Variants in DCC observed in about 807,000 individuals in gnomAD.
DCC encodes DCC netrin 1 receptor, also known as netrin receptor DCC.
Under a neutral mutation model 172.5 loss-of-function variants are expected in DCC, and 58 were observed. That is an observed-to-expected ratio of 0.34 (90% CI 0.27 to 0.42). The LOEUF (loss-of-function observed/expected upper bound fraction) is 0.42. DCC is among the 10% of genes least tolerant of loss of function. The pLI is 1.00. For synonymous variants in DCC, 709 were observed against 644.5 expected, an observed-to-expected ratio of 1.10 and a Z score of -1.52; for missense variants, 1,740 against 1,791.0, an observed-to-expected ratio of 0.97 and a Z score of 0.51.
chr18:53,178,820 G>A (rs769473503), intron 8 of DCC, 142 bp from the exon 9 acceptor site: 3 of 771,248 alleles, frequency 3.9e-6, no homozygotes, highest in Non-Finnish European at 6.8e-6. Context: ...GAAAGTCTGA[G>A]GTCTTGAATT....
At chr18:53,184,551 C>G (rs1044672056) in intron 9 of DCC, among the ~76,000 whole-genome samples, 1 of 152,092 alleles carries the variant, frequency 6.6e-6, no homozygotes. Flanking sequence ...GGCTGCAAAC[C>G]TGTATAGCAT....
rs75761034 is a variant in DCC, at chr18:52,540,693, A to G, written c.91+199815A>G. Among the ~76,000 whole-genome samples, 410 of 125,148 alleles carry G rather than the reference A, an allele frequency of 3.3e-3. 20 individuals are homozygous for G. In the East Asian group the frequency reaches 0.095, roughly 29 times the overall value. 82.1% of individuals were successfully genotyped at this position (125,148 alleles called of 152,430 possible). A position where few individuals can be genotyped will look rare whatever the true frequency, so the allele number is the denominator to read the frequency against. ...GCTATCTCGGCTCACTGCAAGCTCCACCTCCCGGGTTCATGCCATTCTCCT... is the reference window on the plus strand; with the variant it reads ...GCTATCTCGGCTCACTGCAAGCTCCGCCTCCCGGGTTCATGCCATTCTCCT... On this transcript the variant is annotated intron_variant, in intron 1 of 28. Transcript: ENST00000442544.
intron 2 of DCC, among the ~76,000 whole-genome samples, chr18:52,787,348 C>T (rs1002498796): frequency 6.6e-6 from 1 of 152,110 alleles, no homozygotes; most frequent in East Asian, 1.9e-4. Context: ...TGATGATAAA[C>T]CACATTTTGA....
At chr18:53,233,033 C>T (rs1468424301) in intron 12 of DCC, among the ~76,000 whole-genome samples, 2 of 151,962 alleles carry the variant, frequency 1.3e-5, no homozygotes, top group Non-Finnish European at 1.5e-5. Flanking sequence ...ATTCTGCACC[C>T]TCAAGATTTA....
At chr18:52,833,375 C>A (rs971569401) in intron 2 of DCC, among the ~76,000 whole-genome samples, 1 of 152,096 alleles carries the variant, frequency 6.6e-6, no homozygotes, top group Non-Finnish European at 1.5e-5. Flanking sequence ...TTCTGCCACA[C>A]TTTATAGAGG....
rs183537830 is a variant in DCC, at chr18:53,256,529, C to T, written c.1911+40932C>T. Among the ~76,000 whole-genome samples, 27 of 151,876 alleles carry T rather than the reference C, an allele frequency of 1.8e-4. No homozygotes were observed. The East Asian group carries it at 3.1e-3, about 17-fold the overall frequency. On this transcript the variant is annotated intron_variant, in intron 12 of 28. Transcript: ENST00000442544. ...TCAAAGATCAGATGGTTGTAATATG[C>T]GGCATTATTTCTGAGGGCTCTGTTC...
chr18:52,419,009 C>T (rs916852732), intron 1 of DCC, among the ~76,000 whole-genome samples: 38 of 151,650 alleles, frequency 2.5e-4, no homozygotes, highest in African/African-American at 7.7e-4. Context: ...TACAGGTGCA[C>T]GCCACCAGGC....
chr18:53,248,328 C>T (rs986608010), intron 12 of DCC, among the ~76,000 whole-genome samples: 1 of 151,848 alleles, frequency 6.6e-6, no homozygotes, highest in African/African-American at 2.4e-5. Context: ...CAGTGATTAC[C>T]CCCAGAATGG....
At chr18:53,079,955 G>A (rs1286597099) in intron 7 of DCC, among the ~76,000 whole-genome samples, 6 of 152,098 alleles carry the variant, frequency 3.9e-5, no homozygotes, top group African/African-American at 1.2e-4. Flanking sequence ...TGGACTTTTT[G>A]TCTAGACTAT....
chr18:53,179,985 G>A (rs2055170330), intron 9 of DCC, among the ~76,000 whole-genome samples: 2 of 152,112 alleles, frequency 1.3e-5, no homozygotes, highest in Admixed American at 6.5e-5. Flanking sequence ...AATTTGTAAT[G>A]ATATTTTGAT....
chr18:53,415,178 G>A (rs1003675076), intron 20 of DCC, among the ~76,000 whole-genome samples: 8 of 152,090 alleles, frequency 5.3e-5, no homozygotes, highest in Non-Finnish European at 1.0e-4. Flanking sequence ...CTATAATAGC[G>A]CCACATCTGA....
At chr18:53,138,652 A>G (rs1262351815) in intron 7 of DCC, among the ~76,000 whole-genome samples, 2 of 152,172 alleles carry the variant, frequency 1.3e-5, no homozygotes, top group Non-Finnish European at 2.9e-5. Context: ...TGATTTTTCA[A>G]AATAACTCAT....
At chr18:52,830,024 G>A (rs190648593) in intron 2 of DCC, among the ~76,000 whole-genome samples, 22 of 152,242 alleles carry the variant, frequency 1.4e-4, no homozygotes, top group Admixed American at 8.5e-4. Flanking sequence ...GAGGGATGAT[G>A]CCCAGAAAGA....
At chr18:53,411,066 C>G (rs1909954695) in intron 20 of DCC, among the ~76,000 whole-genome samples, 1 of 151,220 alleles carries the variant, frequency 6.6e-6, no homozygotes, top group Non-Finnish European at 1.5e-5. Context: ...TTTGATATGA[C>G]AAGACAGAAA....
chr18:53,355,042 C>G (rs1051965626), intron 15 of DCC, among the ~76,000 whole-genome samples: 2 of 151,984 alleles, frequency 1.3e-5, no homozygotes, highest in African/African-American at 4.8e-5. Context: ...ATCCTTTCCC[C>G]ATTTCTTGTT....
At chr18:52,424,041 A>T (rs965493742) in intron 1 of DCC, among the ~76,000 whole-genome samples, 5 of 152,112 alleles carry the variant, frequency 3.3e-5, no homozygotes, top group Admixed American at 6.6e-5. Flanking sequence ...CAAGTTCAGT[A>T]GATTCTTGTT....
At position 53,533,259 on chromosome 18, in the gene DCC, A is replaced by AGAG. The variant is rs2046541585; in HGVS notation, c.*2606_*2607insGAG. On this transcript the variant is annotated 3_prime_UTR_variant, in exon 29 of 29. Transcript: ENST00000442544. The stretch of plus-strand genomic sequence containing the variant: ...AAGAAGAAACCTGTGAATACTGCAA[A>AGAG]CTAGCCTCTGACTTCCTCCTACTGA... 6.6e-6 allele frequency: 1 copy of AGAG among 152,116 alleles called. No homozygotes were observed. Among genetic ancestry groups the AGAG allele is most frequent in the South Asian group, 2.1e-4 (1 of 4,824 alleles). 9.4% of individuals were successfully genotyped at this position (152,116 alleles called of 1,614,324 possible).
At chr18:52,501,406 A>G (rs1412818561) in intron 1 of DCC, among the ~76,000 whole-genome samples, 1 of 152,158 alleles carries the variant, frequency 6.6e-6, no homozygotes, top group Non-Finnish European at 1.5e-5. Context: ...CCTTATATGA[A>G]TGTATCACAA....
At chr18:52,992,492 T>G (rs1226000293) in intron 5 of DCC, among the ~76,000 whole-genome samples, 2 of 152,154 alleles carry the variant, frequency 1.3e-5, no homozygotes, top group Admixed American at 1.3e-4. Context: ...CAACTACACG[T>G]TTCTCTGGTT....
Sources: gnomAD v4.1 joint callset for allele counts (sites outside exome capture counted in the v4.1 genomes callset) on GRCh38, gnomAD v4.1.1 for gene constraint, MANE v1.5 for transcripts, NCBI Gene and HGNC (gene_info 2026-07-23, HGNC 2026-07-21) for gene names.